TSPEAR: variants seen among roughly 807,000 people sequenced by gnomAD.
The protein encoded by TSPEAR is thrombospondin-type laminin G domain and EAR repeat-containing protein.
In TSPEAR, 69 loss-of-function variants were observed where a neutral mutation model predicts 71.6. That is an observed-to-expected ratio of 0.96 (90% CI 0.79 to 1.18). The LOEUF (loss-of-function observed/expected upper bound fraction) is 1.18, where lower values mean the gene tolerates loss of function less well. Among genes scored for constraint, TSPEAR ranks in the 50% most tolerant of loss-of-function variants. The pLI is 0.00. For synonymous variants in TSPEAR, 402 were observed against 387.2 expected (o/e 1.04, Z -0.45); for missense variants, 971 against 894.9 (o/e 1.09, Z -1.09).
intron 11 of TSPEAR, among the ~76,000 whole-genome samples, chr21:44,504,045 AGGAAGTTGGCCTCGGTGAGCCCTTGGGG>A (rs2052123428): frequency 7.2e-6 from 1 of 139,060 alleles, no homozygotes; most frequent in African/African-American, 2.8e-5. Flanking sequence ...AGGCTCTGGG[AGGAAGTTGGCCTCGGTGAGCCCTTGGGG>A]GGAAGCTGGC....
chr21:44,507,325 C>T (rs782795590), intron 10 of TSPEAR, among the ~76,000 whole-genome samples: 13 of 152,142 alleles, frequency 8.5e-5, no homozygotes, highest in Non-Finnish European at 1.3e-4. Context: ...CAAACACAAG[C>T]GACCATTTGA....
rs1488360353 is a variant in TSPEAR at position 44,593,115 on chromosome 21, T to C, written c.83-25110A>G. Among the ~76,000 whole-genome samples the C allele has an allele frequency of 2.0e-5, 3 of 152,234 alleles. No homozygotes were observed. The East Asian group carries it at 5.8e-4, about 29-fold the overall frequency. On this transcript the variant is annotated intron_variant, in intron 1 of 11. Transcript: ENST00000323084. The surrounding 1 kb of genome is among the most constrained non-coding windows in gnomAD (Gnocchi z 5.9). ...TTTGTGTTTTGGAGGCAGCAGGACCTGTGTGTTCCAGGGCAAGGACGGTGG... is the reference window on the plus strand; with the variant it reads ...TTTGTGTTTTGGAGGCAGCAGGACCCGTGTGTTCCAGGGCAAGGACGGTGG...
chr21:44,504,549 G>C (rs2052150406), intron 11 of TSPEAR, among the ~76,000 whole-genome samples: 1 of 129,936 alleles, frequency 7.7e-6, no homozygotes, highest in Admixed American at 7.4e-5. Flanking sequence ...CCACAGTGGG[G>C]AAGCAAGTCT....
In TSPEAR at chr21:44,506,421, C is replaced by T. The variant is rs2052203729; in HGVS notation, c.1755-1540G>A. Reference sequence around the variant, plus strand: ...GCCTCAGGGCTGTGGCCAGTTCAGGCAGCAGAGGGGCCTCATCCCGGTGCT... The same window carrying T: ...GCCTCAGGGCTGTGGCCAGTTCAGGTAGCAGAGGGGCCTCATCCCGGTGCT... On this transcript the variant is annotated intron_variant, in intron 10 of 11. Coordinates refer to ENST00000323084, the MANE Select transcript of TSPEAR (RefSeq NM_144991.3). The surrounding 1 kb of genome is among the most constrained non-coding windows in gnomAD (Gnocchi z 4.2). 6.6e-6 allele frequency among the ~76,000 whole-genome samples: 1 copy of T among 152,264 alleles called. No homozygotes were observed. Among genetic ancestry groups the T allele is most frequent in the Admixed American group, 6.5e-5 (1 of 15,294 alleles).
chr21:44,524,507 T>TCAGG (rs1315144588), intron 8 of TSPEAR, among the ~76,000 whole-genome samples: 1 of 151,790 alleles, frequency 6.6e-6, no homozygotes, highest in Admixed American at 6.6e-5. Context: ...AGGTAGTCAG[T>TCAGG]CAGGCAGTCA....
intron 3 of TSPEAR, among the ~76,000 whole-genome samples, chr21:44,532,188 C>A (rs1282570336): frequency 1.3e-5 from 2 of 152,258 alleles, no homozygotes; most frequent in African/African-American, 4.8e-5. Context: ...CCATGTCCCA[C>A]CATCTTCCCC....
At chr21:44,604,642 G>GT (rs1294890633) in intron 1 of TSPEAR, among the ~76,000 whole-genome samples, 1 of 152,224 alleles carries the variant, frequency 6.6e-6, no homozygotes, top group Admixed American at 6.5e-5. Context: ...GAAGTGACAA[G>GT]AGTGGGCATC....
At chr21:44,580,380 T>C (rs1555924892) in intron 1 of TSPEAR, 1 of 1,613,324 alleles carries the variant, frequency 6.2e-7, no homozygotes, top group African/African-American at 1.3e-5. Context: ...GTGCAGGAGC[T>C]GGTGCAGCCT....
chr21:44,598,850 G>C (rs1982315809), intron 1 of TSPEAR, among the ~76,000 whole-genome samples: 1 of 152,110 alleles, frequency 6.6e-6, no homozygotes. Flanking sequence ...TGTAGAGTAG[G>C]TCTGCTCGTG....
chr21:44,674,621 G>A (rs1272912158), intron 1 of TSPEAR, among the ~76,000 whole-genome samples: 2 of 152,098 alleles, frequency 1.3e-5, no homozygotes, highest in Non-Finnish European at 2.9e-5. Flanking sequence ...GAAGGCTGAG[G>A]TGGGAAGATC....
intron 2 of TSPEAR, among the ~76,000 whole-genome samples, chr21:44,540,639 A>C (rs1272779426): frequency 1.3e-5 from 2 of 152,238 alleles, no homozygotes; most frequent in African/African-American, 4.8e-5. Flanking sequence ...GTAGAAGCAC[A>C]GGATCACTGG....
chr21:44,696,924 C>T (rs1987363874), intron 1 of TSPEAR, among the ~76,000 whole-genome samples: 1 of 152,296 alleles, frequency 6.6e-6, no homozygotes, highest in South Asian at 2.1e-4. Context: ...GGAAAGAAGC[C>T]TGGGGCCTTG....
chr21:44,620,298 T>A (rs1260961407), intron 1 of TSPEAR, among the ~76,000 whole-genome samples: 1 of 152,310 alleles, frequency 6.6e-6, no homozygotes, highest in Middle Eastern at 3.4e-3. Flanking sequence ...CTGAAAGATG[T>A]CCCTTACAAG....
At chr21:44,543,091 C>T (rs149360101) in intron 2 of TSPEAR, among the ~76,000 whole-genome samples, 94 of 151,590 alleles carry the variant, frequency 6.2e-4, no homozygotes, top group African/African-American at 1.9e-3. Context: ...CTCTGGACAC[C>T]GAGAGGATAT....
chr21:44,688,576 C>T (rs1269190187), intron 1 of TSPEAR, among the ~76,000 whole-genome samples: 4 of 152,098 alleles, frequency 2.6e-5, no homozygotes, highest in African/African-American at 9.7e-5. Flanking sequence ...AAAAATCAGC[C>T]GGGTATGGTG....
chr21:44,677,690 C>G (rs1292732173), intron 1 of TSPEAR: 2 of 1,419,390 alleles, frequency 1.4e-6, no homozygotes, highest in Non-Finnish European at 2.0e-6. Context: ...GAGTATCTCC[C>G]TTTTGTTTTT....
At chr21:44,647,110 C>CA in intron 1 of TSPEAR, 4 of 1,613,898 alleles carry the variant, frequency 2.5e-6, no homozygotes, top group Non-Finnish European at 3.4e-6. Context: ...ACGCTGCCAG[C>CA]AGCCTAGCTG....
intron 1 of TSPEAR, chr21:44,637,753 T>G: frequency 7.5e-7 from 1 of 1,338,462 alleles, no homozygotes; most frequent in South Asian, 1.4e-5. Context: ...GTAACAAGCC[T>G]GTGTGCTTCG....
At chr21:44,603,053 A>AG (rs1471407304) in intron 1 of TSPEAR, among the ~76,000 whole-genome samples, 1 of 45,098 alleles carries the variant, frequency 2.2e-5, no homozygotes, top group Non-Finnish European at 1.1e-4. Context: ...CCTGCTCCAG[A>AG]GGGGGTGGAG....
Sources: allele counts gnomAD v4.1 joint callset (sites outside exome capture counted in the v4.1 genomes callset), GRCh38; gene constraint gnomAD v4.1.1; non-coding constraint Gnocchi (gnomAD v3.1); transcripts MANE v1.5; gene names NCBI Gene and HGNC (gene_info 2026-07-23, HGNC 2026-07-21).